Variants in WDFY1 observed in about 807,000 individuals in gnomAD.
WDFY1 encodes the protein WD repeat and FYVE domain containing 1, also known as WD repeat and FYVE domain-containing protein 1.
In WDFY1, 32 loss-of-function variants were observed where a neutral mutation model predicts 56.4. The observed-to-expected ratio is 0.57, with a 90% CI of 0.43 to 0.76. WDFY1 has a LOEUF of 0.76. Among genes scored for constraint, WDFY1 ranks in the 30% least tolerant of loss-of-function variants. WDFY1 has a pLI of 0.00. For synonymous variants in WDFY1, 192 were observed against 197.3 expected (o/e 0.97, Z 0.23); for missense variants, 480 against 545.7 (o/e 0.88, Z 1.20).
intron 1 of WDFY1, among the ~76,000 whole-genome samples, chr2:223,936,935 G>A (rs932101427): frequency 2.0e-5 from 3 of 152,196 alleles, no homozygotes; most frequent in Admixed American, 6.5e-5. Flanking sequence ...GAGGACTCTT[G>A]GAAGCCTTGT....
chr2:223,897,121 C>T lies in WDFY1; in HGVS notation c.599-1491G>A, dbSNP rs112316655. Among the ~76,000 whole-genome samples the T allele has an allele frequency of 4.9e-3, 747 of 152,112 alleles. 3 individuals carry two copies. The highest frequency in any genetic ancestry group is 0.016 in the African/African-American group (676 of 41,490). ...TCACCTAAATAGATTACATAGAAAG[C>T]ATAGTGTACATTTATTATAACTTGT... On this transcript the variant is annotated intron_variant, in intron 6 of 11. Transcript: ENST00000233055.
rs755545239 is a variant in WDFY1, at chr2:223,901,284, C to T, written c.384G>A (p.Trp128Ter). 13 of 1,613,968 alleles carry T rather than the reference C, an allele frequency of 8.1e-6. No homozygotes were observed. Among genetic ancestry groups the T allele is most frequent in the African/African-American group, 1.3e-5 (1 of 74,886 alleles). Reference protein sequence around the residue: ...SAIIFSLATEWVISTGHDKCV... With the variant: ...SAIIFSLATE ...ACTTGTCGTGGCCGGTACTGATCAC[C>T]CACTCTGTGGCCAAGCTGAAGATAA... Residue 128 changes from tryptophan (W) to a stop codon, truncating the protein, a stop_gained, in exon 5 of 12, where the codon TGG (tryptophan) becomes TGA (stop). Transcript: ENST00000233055. LOFTEE classifies it high-confidence loss of function.
chr2:223,944,411 G>C (rs986651860), intron 1 of WDFY1, among the ~76,000 whole-genome samples: 1 of 152,288 alleles, frequency 6.6e-6, no homozygotes, highest in Non-Finnish European at 1.5e-5. Context: ...ACCGCAGGTC[G>C]GGGTTCCCTG....
chr2:223,916,565 G>A (rs1245675341), intron 2 of WDFY1, among the ~76,000 whole-genome samples: 1 of 152,078 alleles, frequency 6.6e-6, no homozygotes, highest in African/African-American at 2.4e-5. Context: ...ACCCTTAACT[G>A]AAGAAAATCA....
intron 1 of WDFY1, among the ~76,000 whole-genome samples, chr2:223,941,190 C>T (rs903351725): frequency 9.9e-5 from 15 of 152,130 alleles, no homozygotes; most frequent in African/African-American, 3.6e-4. Flanking sequence ...CTCCTAACCT[C>T]AGGTGATCTG....
chr2:223,909,866 C>A (rs1368412015), intron 3 of WDFY1, among the ~76,000 whole-genome samples: 1 of 152,200 alleles, frequency 6.6e-6, no homozygotes, highest in African/African-American at 2.4e-5. Flanking sequence ...CTGTTCTCTA[C>A]CCAGTAGCTA....
intron 11 of WDFY1, 90 bp from the exon 12 acceptor site, chr2:223,878,820 C>A: frequency 6.8e-7 from 1 of 1,460,076 alleles, no homozygotes; most frequent in South Asian, 1.2e-5. Context: ...GACTGTTAAA[C>A]CTGAAAAGGT....
chr2:223,891,488 C>CA (rs146042625), intron 8 of WDFY1, among the ~76,000 whole-genome samples: 4 of 145,634 alleles, frequency 2.7e-5, no homozygotes, highest in East Asian at 2.1e-4. Flanking sequence ...AACAAACAAA[C>CA]AAAAAAACCC....
rs147095757 is a variant in WDFY1, at chr2:223,928,548, C to A, written c.138-10538G>T. ...ACAATTAAACATTTTGCGCAATGAG[C>A]CTTGAGGCACTTAGGGACTTATTTT... On this transcript the variant is annotated intron_variant, in intron 1 of 11. Transcript: ENST00000233055. 4.6e-5 allele frequency among the ~76,000 whole-genome samples: 7 copies of A among 152,226 alleles called. 1 individual carries two copies. The East Asian group carries it at 1.2e-3, about 25-fold the overall frequency.
At chr2:223,930,465 G>C (rs2106100026) in intron 1 of WDFY1, among the ~76,000 whole-genome samples, 1 of 152,320 alleles carries the variant, frequency 6.6e-6, no homozygotes, top group African/African-American at 2.4e-5. Flanking sequence ...GAGTAGCTGG[G>C]ATTACAGGCA....
At chr2:223,942,978 C>G (rs569794392) in intron 1 of WDFY1, among the ~76,000 whole-genome samples, 4 of 150,858 alleles carry the variant, frequency 2.7e-5, no homozygotes, top group Admixed American at 6.6e-5. Flanking sequence ...GTCAGGAGAT[C>G]GAGACCATCC....
rs1693013760 is a variant in WDFY1, at chr2:223,878,748, A to G, written c.1174-18T>C. 6.2e-7 allele frequency: 1 copy of G among 1,612,616 alleles called. No individual in the cohort carries two copies. The highest frequency in any genetic ancestry group is 2.2e-5 in the East Asian group (1 of 44,772). On this transcript the variant is annotated intron_variant, in intron 11 of 11. Transcript: ENST00000233055. ...TCCCAGATCTACAAGGAAGGAAGAA[A>G]CGCAGAAAAGGCAGCAGTGATAACC... is the stretch of plus-strand genomic sequence containing the variant.
chr2:223,885,007 A>G (rs1693148899), intron 8 of WDFY1, among the ~76,000 whole-genome samples: 1 of 151,610 alleles, frequency 6.6e-6, no homozygotes, highest in Non-Finnish European at 1.5e-5. Flanking sequence ...ACTCCAGGCT[A>G]ATTTCTGTAT....
chr2:223,929,132 C>CGA (rs1694033363), intron 1 of WDFY1, among the ~76,000 whole-genome samples: 2 of 151,840 alleles, frequency 1.3e-5, no homozygotes, highest in Non-Finnish European at 2.9e-5. Context: ...ATAAACTGTG[C>CGA]CTCTCCATCA....
intron 2 of WDFY1, among the ~76,000 whole-genome samples, chr2:223,914,129 T>C (rs936731594): frequency 6.6e-6 from 1 of 150,796 alleles, no homozygotes; most frequent in African/African-American, 2.4e-5. Context: ...CCTGAGTAGC[T>C]AGGATTACAG....
intron 1 of WDFY1, among the ~76,000 whole-genome samples, chr2:223,926,519 GA>G (rs1347809761): frequency 6.6e-6 from 1 of 151,722 alleles, no homozygotes; most frequent in South Asian, 2.1e-4. Context: ...TAGCAGGCAT[GA>G]AAAACAACAT....
In WDFY1 at chr2:223,898,993, G is replaced by A. The variant is rs375237655; in HGVS notation, c.563C>T (p.Thr188Met). The A allele has an allele frequency of 2.4e-5, 38 of 1,613,930 alleles. 1 individual carries two copies. Among genetic ancestry groups the A allele is most frequent in the South Asian group, 7.7e-5 (7 of 91,088 alleles). The change falls in exon 6 of 12, where the codon ACG (threonine) becomes ATG (methionine). Residue 188 changes from threonine to methionine, a missense_variant. Coordinates refer to ENST00000233055, the MANE Select transcript of WDFY1 (RefSeq NM_020830.5). ...TTTGAGGGTTGTGATGACTGAACAC[G>A]TGTTCTGTTCAAGCTTCAGCAGGGT... is the stretch of plus-strand genomic sequence containing the variant. ...QITLLKLEQNTCSVITTLKGH... is the reference protein window; with the variant it reads ...QITLLKLEQNMCSVITTLKGH...
intron 2 of WDFY1, among the ~76,000 whole-genome samples, 182 bp downstream of exon 2, chr2:223,917,761 G>A (rs990278622): frequency 1.3e-4 from 19 of 151,934 alleles, no homozygotes; most frequent in African/African-American, 3.4e-4. Context: ...TAGTAGAGAC[G>A]GGCTTTCACC....
intron 4 of WDFY1, among the ~76,000 whole-genome samples, chr2:223,905,375 G>A (rs1693579589): frequency 6.6e-6 from 1 of 152,152 alleles, no homozygotes; most frequent in South Asian, 2.1e-4. Context: ...ATAGAATTTG[G>A]ACAGGTGTGG....
Sources: allele counts gnomAD v4.1 joint callset (sites outside exome capture counted in the v4.1 genomes callset), GRCh38; gene constraint gnomAD v4.1.1; transcripts MANE v1.5; gene names NCBI Gene and HGNC (gene_info 2026-07-23, HGNC 2026-07-21).